The following BAZ2B variants were observed in gnomAD, a reference collection of about 807,000 sequenced individuals.
BAZ2B encodes the protein bromodomain adjacent to zinc finger domain 2B.
BAZ2B carries 91 observed loss-of-function variants against 246.0 expected under a neutral mutation model. That is an observed-to-expected ratio of 0.37 (90% CI 0.31 to 0.44). BAZ2B has a LOEUF of 0.44. Ranked by LOEUF, BAZ2B falls within the 20% of genes least tolerant of loss-of-function variation. BAZ2B has a pLI of 1.00. For synonymous variants in BAZ2B, 855 were observed against 860.0 expected, an observed-to-expected ratio of 0.99 and a Z score of 0.10; for missense variants, 2,332 against 2,533.7, an observed-to-expected ratio of 0.92 and a Z score of 1.71.
At chr2:159,698,773 CTATT>C in the BAZ2B span, among the ~76,000 whole-genome samples, 1 of 152,040 alleles carries the variant, frequency 6.6e-6, no homozygotes, top group African/African-American at 2.4e-5. Flanking sequence ...AAAAATCTGA[CTATT>C]CATTTTATAA....
In BAZ2B at chr2:159,441,626, T is replaced by A. The variant is rs1250159084; in HGVS notation, c.697-2414A>T. Among the ~76,000 whole-genome samples the A allele has an allele frequency of 4.0e-5, 6 of 151,388 alleles. No homozygotes were observed. The East Asian group carries it at 1.2e-3, about 29-fold the overall frequency. On this transcript the variant is annotated intron_variant, in intron 6 of 36. Transcript: ENST00000392783. ...CTCTTTTCTCTTATTTAAAATGTTTTATTACTTACAAATTTTTTAAATTTA... is the reference window on the plus strand; with the variant it reads ...CTCTTTTCTCTTATTTAAAATGTTTAATTACTTACAAATTTTTTAAATTTA...
chr2:159,674,716 T>TA, the BAZ2B span, among the ~76,000 whole-genome samples: 1,255 of 124,658 alleles, frequency 0.01, 23 homozygotes, highest in African/African-American at 0.031. Flanking sequence ...AGCTCCGTCT[T>TA]AAAAAAAAAA....
At chr2:159,638,013 C>T in the BAZ2B span, among the ~76,000 whole-genome samples, 8 of 152,242 alleles carry the variant, frequency 5.3e-5, no homozygotes, top group Non-Finnish European at 1.2e-4. Flanking sequence ...ACTGCAGTAA[C>T]AGTAGTGGTG....
chr2:159,629,850 A>G, the BAZ2B span, among the ~76,000 whole-genome samples: 2 of 152,180 alleles, frequency 1.3e-5, no homozygotes, highest in Non-Finnish European at 2.9e-5. Context: ...AGAAATAAAA[A>G]TTAAAAAGTA....
chr2:159,440,672 C>T lies in BAZ2B; in HGVS notation c.697-1460G>A, dbSNP rs573072721. On this transcript the variant is annotated intron_variant, in intron 6 of 36. Coordinates refer to ENST00000392783, the MANE Select transcript of BAZ2B (RefSeq NM_013450.4). ...CTGGGATTACAGGCGCCTGCCACCA[C>T]GCTAATTTTTGTATTTTTAGTAGAG... Among the ~76,000 whole-genome samples the T allele has an allele frequency of 9.9e-5, 15 of 151,966 alleles. No homozygotes were observed. The South Asian group carries it at 1.5e-3, about 15-fold the overall frequency.
intron 2 of BAZ2B, among the ~76,000 whole-genome samples, chr2:159,539,033 C>T (rs1349064509): frequency 1.3e-5 from 2 of 152,160 alleles, no homozygotes; most frequent in Non-Finnish European, 2.9e-5. Context: ...AATAGTGATA[C>T]CTATACTCTG....
At position 159,402,808 on chromosome 2, in the gene BAZ2B, A is replaced by T. The variant is rs563826259; in HGVS notation, c.2832+2041T>A. Among the ~76,000 whole-genome samples the T allele has an allele frequency of 2.0e-5, 3 of 152,330 alleles. No homozygotes were observed. In the South Asian group the frequency reaches 6.2e-4, roughly 32 times the overall value. On this transcript the variant is annotated intron_variant, in intron 16 of 36. Coordinates refer to ENST00000392783, the MANE Select transcript of BAZ2B (RefSeq NM_013450.4). ...TGGTAGTGTTATCATTAGCATGCAGATAAACATGGTAAATTATTATAATAC... is the reference window on the plus strand; with the variant it reads ...TGGTAGTGTTATCATTAGCATGCAGTTAAACATGGTAAATTATTATAATAC...
chr2:159,355,377 G>A (rs1214985607), intron 27 of BAZ2B, among the ~76,000 whole-genome samples: 1 of 152,144 alleles, frequency 6.6e-6, no homozygotes, highest in African/African-American at 2.4e-5. Flanking sequence ...TGAGATTATT[G>A]TGGAAGAGAC....
chr2:159,654,154 T>C, the BAZ2B span, among the ~76,000 whole-genome samples: 1 of 152,146 alleles, frequency 6.6e-6, no homozygotes, highest in African/African-American at 2.4e-5. Flanking sequence ...TCATTACATG[T>C]TGTAATATAT....
At chr2:159,452,446 T>C (rs1010859508) in intron 4 of BAZ2B, among the ~76,000 whole-genome samples, 2 of 152,226 alleles carry the variant, frequency 1.3e-5, no homozygotes, top group African/African-American at 2.4e-5. Flanking sequence ...GTTTTTCAGA[T>C]GAGAAAACTG....
intron 27 of BAZ2B, among the ~76,000 whole-genome samples, chr2:159,368,219 A>G (rs1169206651): frequency 6.6e-6 from 1 of 152,098 alleles, no homozygotes; most frequent in Non-Finnish European, 1.5e-5. Flanking sequence ...AGTCAGCCAT[A>G]TATATGTGAT....
chr2:159,429,263 T>G lies in BAZ2B; in HGVS notation c.2195-3A>C. On this transcript the variant is annotated splice_polypyrimidine_tract_variant and splice_region_variant and intron_variant, in intron 10 of 36. Coordinates refer to ENST00000392783, the MANE Select transcript of BAZ2B (RefSeq NM_013450.4). Reference sequence around the variant, plus strand: ...TACTCTTCTTCTTTTGGAAGTGCCTTTAAAAAAATTCAATTGGTTAATATA... The same window carrying G: ...TACTCTTCTTCTTTTGGAAGTGCCTGTAAAAAAATTCAATTGGTTAATATA... The G allele has an allele frequency of 5.2e-6, 8 of 1,538,198 alleles. No individual in the cohort carries two copies. Among genetic ancestry groups the G allele is most frequent in the Non-Finnish European group, 7.1e-6 (8 of 1,134,462 alleles).
intron 2 of BAZ2B, among the ~76,000 whole-genome samples, chr2:159,490,351 G>A (rs555842453): frequency 3.3e-5 from 5 of 152,164 alleles, no homozygotes; most frequent in African/African-American, 9.6e-5. Flanking sequence ...GTCCAAAATA[G>A]CAATAGAATC....
the BAZ2B span, among the ~76,000 whole-genome samples, chr2:159,708,895 G>A: frequency 4.9e-3 from 753 of 152,154 alleles, 5 homozygotes; most frequent in African/African-American, 0.017. Flanking sequence ...TTGGGGAATT[G>A]AAAGTTTTTG....
intron 2 of BAZ2B, among the ~76,000 whole-genome samples, chr2:159,497,935 C>T (rs2081331857): frequency 6.6e-6 from 1 of 152,120 alleles, no homozygotes; most frequent in Non-Finnish European, 1.5e-5. Flanking sequence ...CCTAGTGTTC[C>T]TTTATCCATA....
intron 17 of BAZ2B, 139 bp from the exon 18 acceptor site, chr2:159,399,033 C>A: frequency 1.6e-6 from 1 of 620,106 alleles, no homozygotes. Flanking sequence ...TACAGATTTC[C>A]CCCCAGTTAA....
At chr2:159,496,581 G>C (rs1312837198) in intron 2 of BAZ2B, among the ~76,000 whole-genome samples, 1 of 149,514 alleles carries the variant, frequency 6.7e-6, no homozygotes, top group Non-Finnish European at 1.5e-5. Flanking sequence ...TCGGGAGTTC[G>C]AGACCAGCCT....
the BAZ2B span, among the ~76,000 whole-genome samples, chr2:159,671,191 C>T: frequency 1.3e-5 from 2 of 152,130 alleles, no homozygotes; most frequent in African/African-American, 2.4e-5. Context: ...TAAATCTGGT[C>T]CTCCCTTACT....
At chr2:159,323,774 G>C (rs2063055236) in intron 36 of BAZ2B, among the ~76,000 whole-genome samples, 1 of 149,004 alleles carries the variant, frequency 6.7e-6, no homozygotes, top group African/African-American at 2.5e-5. Flanking sequence ...CTGCACTCCA[G>C]CTTGGGCAAC....
Sources: allele counts gnomAD v4.1 joint callset (sites outside exome capture counted in the v4.1 genomes callset), GRCh38; gene constraint gnomAD v4.1.1; transcripts MANE v1.5; gene names NCBI Gene and HGNC (gene_info 2026-07-23, HGNC 2026-07-21).